The following RNF213 variants were observed in gnomAD, a reference collection of about 807,000 sequenced individuals.
RNF213 encodes the protein ring finger protein 213.
RNF213 carries 341 observed loss-of-function variants against 514.4 expected under a neutral mutation model. That is an observed-to-expected ratio of 0.66 (90% CI 0.61 to 0.73). The LOEUF is 0.73. Among genes scored for constraint, RNF213 ranks in the 30% least tolerant of loss-of-function variants. The pLI is 0.00. For synonymous variants in RNF213, 2,655 were observed against 2,658.2 expected, an observed-to-expected ratio of 1.00 and a Z score of 0.04; for missense variants, 5,767 against 6,615.6, an observed-to-expected ratio of 0.87 and a Z score of 4.45.
In RNF213 at chr17:80,353,898, C is replaced by A; in HGVS notation, c.10579-121C>A. On this transcript the variant is annotated intron_variant, in intron 34 of 67. Coordinates refer to ENST00000582970, the MANE Select transcript of RNF213 (RefSeq NM_001256071.3). The surrounding 1 kb of genome is among the most constrained non-coding windows in gnomAD (Gnocchi z 5.0). The stretch of plus-strand genomic sequence containing the variant: ...GCGGAGGTCGGCGTCTCTTCTTTGT[C>A]CGTGAGGACCGCCGCCCTGTGCTGT... 7.3e-7 allele frequency: 1 copy of A among 1,373,710 alleles called. No individual in the cohort carries two copies. Among genetic ancestry groups the A allele is most frequent in the South Asian group, 1.2e-5 (1 of 82,500 alleles). 85.1% of individuals were successfully genotyped at this position (1,373,710 alleles called of 1,614,324 possible).
chr17:80,362,149 G>GACAT (rs2079079614), intron 39 of RNF213, among the ~76,000 whole-genome samples: 1 of 152,124 alleles, frequency 6.6e-6, no homozygotes, highest in African/African-American at 2.4e-5. Context: ...CAATTTCCTT[G>GACAT]ACATAGCTTC....
chr17:80,381,681 C>G lies in RNF213; in HGVS notation c.13932C>G (p.Leu4644=). ...SADETIGVVH[L]VLRRLLQEQH... ...ACGAGACCATCGGCGTGGTCCACCT[C>G]GTCCTGCGCAGGCTTCTCCAAGAGC... The change falls in exon 57 of 68, where the codon CTC becomes CTG. Residue 4644 remains leucine (L), a synonymous_variant. Coordinates refer to ENST00000582970, the MANE Select transcript of RNF213 (RefSeq NM_001256071.3). 1 of 1,614,148 alleles carries G rather than the reference C, an allele frequency of 6.2e-7. No individual in the cohort carries two copies. The highest frequency in any genetic ancestry group is 1.1e-5 in the South Asian group (1 of 91,076).
chr17:80,332,946 A>G (rs2143983631), intron 21 of RNF213, among the ~76,000 whole-genome samples: 1 of 152,298 alleles, frequency 6.6e-6, no homozygotes, highest in Middle Eastern at 3.4e-3. Flanking sequence ...TCTAGGTTAC[A>G]GAAGCCAAAA....
intron 8 of RNF213, among the ~76,000 whole-genome samples, chr17:80,293,636 A>G (rs985038354): frequency 6.6e-6 from 1 of 151,898 alleles, no homozygotes; most frequent in Non-Finnish European, 1.5e-5. Flanking sequence ...ATCCTGGCTA[A>G]CACGGTGAAA....
At chr17:80,357,237 C>T (rs1405885738) in intron 36 of RNF213, among the ~76,000 whole-genome samples, 2 of 152,128 alleles carry the variant, frequency 1.3e-5, no homozygotes, top group African/African-American at 4.8e-5. Context: ...TTATCCTTTA[C>T]ACAAGAATTT....
chr17:80,368,789 C>T (rs1386599186), intron 44 of RNF213, among the ~76,000 whole-genome samples: 1 of 152,142 alleles, frequency 6.6e-6, no homozygotes, highest in Non-Finnish European at 1.5e-5. Context: ...TGAGGATCAA[C>T]CCACTTCTTG....
intron 3 of RNF213, among the ~76,000 whole-genome samples, chr17:80,275,432 C>A (rs2044019723): frequency 6.6e-6 from 1 of 151,864 alleles, no homozygotes; most frequent in Admixed American, 6.6e-5. Flanking sequence ...AATAAACCCG[C>A]CCAAAGACAG....
In RNF213 at chr17:80,263,801, G is replaced by A; in HGVS notation, c.97+23G>A. 1 of 1,608,824 alleles carries A rather than the reference G, an allele frequency of 6.2e-7. No homozygotes were observed. The highest frequency in any genetic ancestry group is 8.5e-7 in the Non-Finnish European group (1 of 1,175,270). On this transcript the variant is annotated intron_variant, in intron 2 of 67. Transcript: ENST00000582970. This position sits in a 1 kb window ranked among gnomAD's most constrained non-coding sequence, Gnocchi z 4.9. ...CAGGTGAGGCCCAGGGGTGCTGGTG[G>A]AGGCTGGGGCAGTGGGGACCCCTGG...
In RNF213 at chr17:80,386,438, C is replaced by G. The variant is rs1441106504; in HGVS notation, c.14720+8C>G. The G allele has an allele frequency of 1.2e-6, 2 of 1,613,780 alleles. No homozygotes were observed. Among genetic ancestry groups the G allele is most frequent in the Non-Finnish European group, 1.7e-6 (2 of 1,179,910 alleles). On this transcript the variant is annotated splice_region_variant and intron_variant, in intron 62 of 67. Coordinates refer to ENST00000582970, the MANE Select transcript of RNF213 (RefSeq NM_001256071.3). The stretch of plus-strand genomic sequence containing the variant: ...CTCCAAGGAAAACAACAGGTTTGTG[C>G]ACGAGCCACCAGGAAGTGGTGCCTG...
chr17:80,313,714 A>AAGTGATGGTGGAGGTACTGGAGGTGAT (rs2045671644), intron 15 of RNF213, among the ~76,000 whole-genome samples: 1 of 42,958 alleles, frequency 2.3e-5, no homozygotes, highest in African/African-American at 8.5e-5. Context: ...GTGGTGATGG[A>AAGTGATGGTGGAGGTACTGGAGGTGAT]GGTGGTGGTG....
Position 80,354,123 on chromosome 17 carries a change from G to A in RNF213, c.10683G>A (p.Val3561=), listed in dbSNP as rs747718803. Reference sequence around the variant, plus strand: ...GCTGCACGCGCAATATGCGGAGGGTGGTGCTCCTCCTGGGCCTCTTGAATG... The same window carrying A: ...GCTGCACGCGCAATATGCGGAGGGTAGTGCTCCTCCTGGGCCTCTTGAATG... ...NESCTRNMRR[V]VLLLGLLNED... The change falls in exon 35 of 68, where the codon GTG becomes GTA. Residue 3561 remains valine, a synonymous_variant. Transcript: ENST00000582970. 3 of 1,614,098 alleles carry A rather than the reference G, an allele frequency of 1.9e-6. No homozygotes were observed. The highest frequency in any genetic ancestry group is 3.3e-5 in the Admixed American group (2 of 60,028).
rs548788084 is a variant in RNF213, at chr17:80,350,080, C to T, written c.10088+174C>T. On this transcript the variant is annotated intron_variant, in intron 30 of 67. Coordinates refer to ENST00000582970, the MANE Select transcript of RNF213 (RefSeq NM_001256071.3). Reference sequence around the variant, plus strand: ...CTCATCTCCATCATCTTCTGCAACGCGGTGTCTGGCCTAACATCCTCCTCC... The same window carrying T: ...CTCATCTCCATCATCTTCTGCAACGTGGTGTCTGGCCTAACATCCTCCTCC... 2.1e-4 allele frequency among the ~76,000 whole-genome samples: 32 copies of T among 152,284 alleles called. 1 individual carries two copies. In the South Asian group the frequency reaches 6.2e-3, roughly 30 times the overall value.
chr17:80,290,388 TGC>T (rs776305834), intron 6 of RNF213, among the ~76,000 whole-genome samples, 180 bp from the exon 7 acceptor site: 30 of 150,936 alleles, frequency 2.0e-4, no homozygotes, highest in South Asian at 4.2e-4. Context: ...TGCACGTGTG[TGC>T]GTGTACGTGT....
chr17:80,311,701 C>T (rs113795597), intron 14 of RNF213, among the ~76,000 whole-genome samples: 5 of 152,358 alleles, frequency 3.3e-5, no homozygotes, highest in African/African-American at 9.6e-5. Flanking sequence ...CCCCGCCCAG[C>T]AGCAGCCTTG....
At chr17:80,291,564 G>A in intron 7 of RNF213, 64 bp from the exon 8 acceptor site, 1 of 1,514,868 alleles carries the variant, frequency 6.6e-7, no homozygotes, top group Admixed American at 1.7e-5. Context: ...TGCTACGTTT[G>A]AGAATAACTA....
chr17:80,354,528 C>T lies in RNF213; in HGVS notation c.10814C>T (p.Ala3605Val), dbSNP rs777255462. 16 of 1,614,022 alleles carry T rather than the reference C, an allele frequency of 9.9e-6. No individual in the cohort carries two copies. The highest frequency in any genetic ancestry group is 1.4e-5 in the Non-Finnish European group (16 of 1,180,026). Residue 3605 changes from alanine (A) to valine (V), a missense_variant, in exon 36 of 68, where the codon GCA (alanine) becomes GTA (valine). This residue lies in a region of RNF213 where 919 missense variants were observed against 1,121.0 expected (regional missense o/e 0.82). Transcript: ENST00000582970. ...ESQFHPLEWL[A>V]REACNQDALQ... The stretch of plus-strand genomic sequence containing the variant: ...CAGTTTCACCCTCTGGAGTGGTTGG[C>T]AAGGGAAGCCTGCAACCAGGACGCT...
intron 54 of RNF213, among the ~76,000 whole-genome samples, chr17:80,379,031 C>T (rs960135549): frequency 8.0e-5 from 12 of 150,604 alleles, no homozygotes; most frequent in African/African-American, 2.7e-4. Context: ...AAAGCATCAG[C>T]AGGGCATGGT....
Position 80,288,409 on chromosome 17 carries a change from G to C in RNF213, c.810+46G>C. ...GGCCTGGGAGTGGCACTGAGCCCTCGGCACCTGGGCTCTGCTGCAAGGTGC... is the reference window on the plus strand; with the variant it reads ...GGCCTGGGAGTGGCACTGAGCCCTCCGCACCTGGGCTCTGCTGCAAGGTGC... On this transcript the variant is annotated intron_variant, in intron 4 of 67. Coordinates refer to ENST00000582970, the MANE Select transcript of RNF213 (RefSeq NM_001256071.3). The surrounding 1 kb of genome is among the most constrained non-coding windows in gnomAD (Gnocchi z 4.9). The C allele has an allele frequency of 6.2e-7, 1 of 1,607,016 alleles. No individual in the cohort carries two copies. Among genetic ancestry groups the C allele is most frequent in the Non-Finnish European group, 8.5e-7 (1 of 1,178,260 alleles).
intron 3 of RNF213, among the ~76,000 whole-genome samples, chr17:80,279,614 G>A (rs1306714416): frequency 6.6e-6 from 1 of 151,810 alleles, no homozygotes; most frequent in Non-Finnish European, 1.5e-5. Flanking sequence ...ACAGGCACCT[G>A]CCACCACGCC....
Sources: allele counts gnomAD v4.1 joint callset (sites outside exome capture counted in the v4.1 genomes callset), GRCh38; gene constraint gnomAD v4.1.1; regional missense constraint gnomAD v4.1.1; non-coding constraint Gnocchi (gnomAD v3.1); transcripts MANE v1.5; gene names NCBI Gene and HGNC (gene_info 2026-07-23, HGNC 2026-07-21).